Variants in APBB2 observed in about 807,000 individuals in gnomAD.
APBB2 encodes the protein Fe65-like 1.
A neutral mutation model predicts 82.5 loss-of-function variants in APBB2; 38 were observed. The observed-to-expected ratio is 0.46, with a 90% confidence interval of 0.36 to 0.60. The LOEUF is 0.60. Ranked by LOEUF, APBB2 falls within the 20% of genes least tolerant of loss-of-function variation. The probability of loss-of-function intolerance (pLI) is 0.00; values close to 1 mark genes in which losing one functional copy is unlikely to be tolerated. For missense variants in APBB2, 772 were observed against 972.3 expected, an observed-to-expected ratio of 0.79 and a Z score of 2.74; for synonymous variants, 341 against 368.2, an observed-to-expected ratio of 0.93 and a Z score of 0.85.
At chr4:41,142,795 G>A (rs969691492) in intron 2 of APBB2, among the ~76,000 whole-genome samples, 192 bp downstream of exon 2, 1 of 152,132 alleles carries the variant, frequency 6.6e-6, no homozygotes, top group Non-Finnish European at 1.5e-5. Context: ...GGAAGAGAAG[G>A]AAAGGAAGAC....
At chr4:40,982,338 G>A (rs866480346) in intron 6 of APBB2, among the ~76,000 whole-genome samples, 575 of 9,946 alleles carry the variant, frequency 0.058, 156 homozygotes, top group Non-Finnish European at 0.087. Context: ...AAAGAAGGAA[G>A]GAAGGAAGGA....
At chr4:40,926,573 T>G (rs1336089981) in intron 10 of APBB2, among the ~76,000 whole-genome samples, 2 of 152,156 alleles carry the variant, frequency 1.3e-5, no homozygotes, top group Non-Finnish European at 2.9e-5. Flanking sequence ...TGCCTCAGCC[T>G]CCCAAGCAGC....
intron 4 of APBB2, among the ~76,000 whole-genome samples, chr4:41,039,278 A>G (rs190337828): frequency 6.6e-6 from 1 of 152,340 alleles, no homozygotes; most frequent in East Asian, 1.9e-4. Context: ...GAAAAATTCA[A>G]GTAGTGGACC....
chr4:40,868,773 T>G (rs77387942), intron 12 of APBB2, among the ~76,000 whole-genome samples: 1,766 of 152,256 alleles, frequency 0.012, 32 homozygotes, highest in African/African-American at 0.041. Context: ...ATTTAAAGAG[T>G]TGAGATTGGA....
chr4:40,907,348 CATAT>C (rs56302731), intron 10 of APBB2, among the ~76,000 whole-genome samples: 4,489 of 96,582 alleles, frequency 0.046, 105 homozygotes, highest in Middle Eastern at 0.05. Flanking sequence ...TAATATATTA[CATAT>C]ATATATATAT....
chr4:40,821,882 C>T lies in APBB2; in HGVS notation c.2101G>A (p.Ala701Thr), dbSNP rs763101091. 2.5e-6 allele frequency: 4 copies of T among 1,613,088 alleles called. No homozygotes were observed. The highest frequency in any genetic ancestry group is 2.5e-6 in the Non-Finnish European group (3 of 1,179,988). Residue 701 changes from alanine (A) to threonine (T), a missense_variant, in exon 17 of 18, where the codon GCC becomes ACC. Coordinates refer to ENST00000508593, the MANE Select transcript of APBB2 (RefSeq NM_004307.2). ...NAGNVSEAVQ[A>T]ACMLRYQKCL... ...CCGGGATAACTCACCATGCAGGCGG[C>T]CTGCACCGCCTCAGACACGTTACCA...
intron 2 of APBB2, among the ~76,000 whole-genome samples, chr4:41,126,152 G>A (rs951538828): frequency 1.3e-5 from 2 of 151,786 alleles, no homozygotes; most frequent in Non-Finnish European, 2.9e-5. Flanking sequence ...GGCAGAGACC[G>A]GGGGAATGCT....
chr4:41,151,985 G>A (rs1018117130), intron 1 of APBB2, among the ~76,000 whole-genome samples: 1 of 151,996 alleles, frequency 6.6e-6, no homozygotes, highest in Non-Finnish European at 1.5e-5. Context: ...CTGGAACTCA[G>A]AAGAGATCTC....
intron 3 of APBB2, among the ~76,000 whole-genome samples, chr4:41,069,795 T>G (rs548546342): frequency 8.9e-4 from 135 of 152,214 alleles, no homozygotes; most frequent in Non-Finnish European, 1.7e-3. Flanking sequence ...CTACCCTAAC[T>G]GACTCAAAGC....
rs75049525 is a variant in APBB2, at chr4:40,973,625, A to G, written c.836-28552T>C. ...AAACAACAGAAATCTATCGTTCCAT[A>G]GTTTTGAAGGCAAAAAGTCTAAAAT... On this transcript the variant is annotated intron_variant, in intron 6 of 17. Transcript: ENST00000508593. Among the ~76,000 whole-genome samples, 712 of 152,276 alleles carry G rather than the reference A, an allele frequency of 4.7e-3. 9 individuals are homozygous for G. Among genetic ancestry groups the G allele is most frequent in the African/African-American group, 0.015 (642 of 41,558 alleles).
intron 1 of APBB2, among the ~76,000 whole-genome samples, chr4:41,154,815 C>T (rs1024819404): frequency 3.9e-5 from 6 of 152,200 alleles, no homozygotes; most frequent in African/African-American, 1.4e-4. Context: ...ATAAAACTTT[C>T]TCTCTCCAAC....
chr4:41,090,339 G>A (rs886845274), intron 3 of APBB2, among the ~76,000 whole-genome samples: 1 of 152,202 alleles, frequency 6.6e-6, no homozygotes, highest in Non-Finnish European at 1.5e-5. Flanking sequence ...CTCGAAGGAT[G>A]CTAGATTCCC....
At chr4:40,949,246 GC>G (rs1367112468) in intron 6 of APBB2, among the ~76,000 whole-genome samples, 1 of 107,860 alleles carries the variant, frequency 9.3e-6, no homozygotes, top group Non-Finnish European at 2.1e-5. Context: ...TCCAGTCTGG[GC>G]AACAGAGTGA....
chr4:41,112,848 G>A (rs1366955832), intron 2 of APBB2, among the ~76,000 whole-genome samples: 1 of 152,150 alleles, frequency 6.6e-6, no homozygotes, highest in Non-Finnish European at 1.5e-5. Context: ...TTAGCCGGGT[G>A]TGGTGGCATG....
intron 10 of APBB2, among the ~76,000 whole-genome samples, chr4:40,896,701 T>C (rs1773760608): frequency 6.6e-6 from 1 of 152,338 alleles, no homozygotes; most frequent in East Asian, 1.9e-4. Flanking sequence ...CCCTCAATAG[T>C]TCTGGGGTAT....
chr4:40,843,522 G>T (rs1206358519), intron 12 of APBB2, among the ~76,000 whole-genome samples: 1 of 152,200 alleles, frequency 6.6e-6, no homozygotes, highest in East Asian at 1.9e-4. Flanking sequence ...AAAAAACTTG[G>T]AATATAATAC....
chr4:41,073,046 G>T (rs1264033685), intron 3 of APBB2, among the ~76,000 whole-genome samples: 1 of 152,182 alleles, frequency 6.6e-6, no homozygotes, highest in African/African-American at 2.4e-5. Flanking sequence ...CCTTAATTAA[G>T]TACATAACCC....
intron 10 of APBB2, among the ~76,000 whole-genome samples, chr4:40,923,170 T>C (rs1041028606): frequency 6.6e-6 from 1 of 151,326 alleles, no homozygotes; most frequent in African/African-American, 2.4e-5. Context: ...AGAGACGGGG[T>C]TTCACCGTGT....
chr4:40,933,831 T>C (rs1404969304), intron 10 of APBB2, among the ~76,000 whole-genome samples: 1 of 152,212 alleles, frequency 6.6e-6, no homozygotes, highest in Non-Finnish European at 1.5e-5. Context: ...AAGAATTTCC[T>C]GACAGCAACC....
Sources: allele counts gnomAD v4.1 joint callset (sites outside exome capture counted in the v4.1 genomes callset), GRCh38; gene constraint gnomAD v4.1.1; transcripts MANE v1.5; gene names NCBI Gene and HGNC (gene_info 2026-07-23, HGNC 2026-07-21).